CSTF3: variants seen among roughly 807,000 people sequenced by gnomAD.
The protein encoded by CSTF3 is cleavage stimulation factor subunit 3.
Under a neutral mutation model 105.8 loss-of-function variants are expected in CSTF3, and 29 were observed. That is an observed-to-expected ratio of 0.27 (90% CI 0.20 to 0.37). CSTF3 has a LOEUF of 0.37. CSTF3 is among the 10% of genes least tolerant of loss of function. The probability of loss-of-function intolerance (pLI) is 1.00; values close to 1 mark genes in which losing one functional copy is unlikely to be tolerated. For synonymous variants in CSTF3, 252 were observed against 281.9 expected, an observed-to-expected ratio of 0.89 and a Z score of 1.06; for missense variants, 357 against 879.3, an observed-to-expected ratio of 0.41 and a Z score of 7.51.
At chr11:33,152,248 A>G (rs1047791865) in intron 1 of CSTF3, among the ~76,000 whole-genome samples, 2 of 152,204 alleles carry the variant, frequency 1.3e-5, no homozygotes, top group Non-Finnish European at 2.9e-5. Context: ...CGACAGAGCG[A>G]GACTATGTCT....
chr11:33,087,073 A>G lies in CSTF3; in HGVS notation c.1710T>C (p.Val570=), dbSNP rs1191080055. 9.3e-6 allele frequency: 15 copies of G among 1,614,178 alleles called. No individual in the cohort carries two copies. The highest frequency in any genetic ancestry group is 1.3e-5 in the Non-Finnish European group (15 of 1,180,014). The stretch of plus-strand genomic sequence containing the variant: ...GTTTTCTATCCACTTCATCTTTCAG[A>G]ACAGGCACTATAGAAGGAGCTACAA... ...DPVVAPSIVP[V]LKDEVDRKPE... is the part of the protein sequence containing the mutation. The change falls in exon 18 of 21, where the codon GTT becomes GTC. Residue 570 remains valine, a synonymous_variant. Transcript: ENST00000323959.
intron 10 of CSTF3, among the ~76,000 whole-genome samples, chr11:33,100,888 G>A (rs948983229): frequency 6.6e-6 from 1 of 152,166 alleles, no homozygotes; most frequent in Non-Finnish European, 1.5e-5. Flanking sequence ...GCAAGATTGA[G>A]GAATTCAATA....
Position 33,141,936 on chromosome 11 carries a change from T to G in CSTF3, c.78A>C (p.Glu26Asp). The change falls in exon 2 of 21, where the codon GAA becomes GAC. Residue 26 changes from glutamate to aspartate, a missense_variant. Physicochemically the swap from Glu to Asp is conservative, Grantham distance 45. Coordinates refer to ENST00000323959, the MANE Select transcript of CSTF3 (RefSeq NM_001326.3). ...EKVKKAEKKL[E>D]ENPYDLDAWS... The stretch of plus-strand genomic sequence containing the variant: ...AAGCATCAAGGTCATATGGATTCTC[T>G]TCTAATTTCTTTTCCGCTTTCTTCA... 1.6e-5 allele frequency: 25 copies of G among 1,611,916 alleles called. No homozygotes were observed. The highest frequency in any genetic ancestry group is 2.1e-5 in the Non-Finnish European group (25 of 1,179,372).
chr11:33,106,035 G>A lies in CSTF3; in HGVS notation c.386C>T (p.Ala129Val). 1 of 1,613,052 alleles carries A rather than the reference G, an allele frequency of 6.2e-7. No homozygotes were observed. The highest frequency in any genetic ancestry group is 8.5e-7 in the Non-Finnish European group (1 of 1,179,354). Reference protein sequence around the residue: ...KEKMAQAYDFALDKIGMEIMS... With the variant: ...KEKMAQAYDFVLDKIGMEIMS... Reference sequence around the variant, plus strand: ...AATTTCCATTCCAATTTTATCCAGTGCAAAGTCATATGCTTGAGCCATTTT... The same window carrying A: ...AATTTCCATTCCAATTTTATCCAGTACAAAGTCATATGCTTGAGCCATTTT... Residue 129 changes from alanine (A) to valine (V), a missense_variant, in exon 6 of 21, where the codon GCA (alanine) becomes GTA (valine). By Grantham distance (64) the Ala-to-Val change is moderately conservative (BLOSUM62 0). Coordinates refer to ENST00000323959, the MANE Select transcript of CSTF3 (RefSeq NM_001326.3).
chr11:33,119,400 A>G (rs1855464688), intron 3 of CSTF3, among the ~76,000 whole-genome samples: 1 of 151,830 alleles, frequency 6.6e-6, no homozygotes, highest in Non-Finnish European at 1.5e-5. Flanking sequence ...TATTTATTCT[A>G]TGAAATCAAG....
chr11:33,127,881 G>C (rs1855559247), intron 3 of CSTF3, among the ~76,000 whole-genome samples: 1 of 151,990 alleles, frequency 6.6e-6, no homozygotes, highest in African/African-American at 2.4e-5. Context: ...TCTTAATCTT[G>C]GTTATTAAAT....
chr11:33,098,734 T>C lies in CSTF3; in HGVS notation c.1084A>G (p.Ile362Val), dbSNP rs181095002. 9 of 1,557,570 alleles carry C rather than the reference T, an allele frequency of 5.8e-6. No individual in the cohort carries two copies. The highest frequency in any genetic ancestry group is 4.3e-5 in the Admixed American group (2 of 46,056). The change falls in exon 13 of 21, where the codon ATA becomes GTA. Residue 362 changes from isoleucine (I) to valine (V), a missense_variant. By Grantham distance (29) the Ile-to-Val change is conservative. This residue lies in a region of CSTF3 where 206 missense variants were observed against 576.5 expected (regional missense o/e 0.36). Transcript: ENST00000323959. ...SRMKYEKVHS[I>V]YNRLLAIEDI... Reference sequence around the variant, plus strand: ...TCAATTGCCAGAAGTCTGTTATATATACTGTGAACCTTTTCATACTTCATG... The same window carrying C: ...TCAATTGCCAGAAGTCTGTTATATACACTGTGAACCTTTTCATACTTCATG...
intron 1 of CSTF3, among the ~76,000 whole-genome samples, chr11:33,143,852 T>A (rs1176544992): frequency 6.6e-6 from 1 of 151,602 alleles, no homozygotes; most frequent in African/African-American, 2.4e-5. Context: ...TAGCCGGGCA[T>A]GGTGGTGGGC....
chr11:33,126,389 A>G (rs1256823222), intron 3 of CSTF3, among the ~76,000 whole-genome samples: 1 of 152,082 alleles, frequency 6.6e-6, no homozygotes, highest in African/African-American at 2.4e-5. Flanking sequence ...GTTACAGGTT[A>G]CAGTGAGCGG....
intron 3 of CSTF3, among the ~76,000 whole-genome samples, chr11:33,118,096 T>A (rs1484073368): frequency 3.3e-5 from 5 of 150,770 alleles, no homozygotes; most frequent in African/African-American, 7.3e-5. Flanking sequence ...TTTTTTTTTT[T>A]AATAAGAGAA....
chr11:33,107,616 T>C (rs568881057), intron 5 of CSTF3, among the ~76,000 whole-genome samples: 41 of 129,086 alleles, frequency 3.2e-4, no homozygotes, highest in Non-Finnish European at 6.1e-4. Context: ...AGTATGAAGA[T>C]GGTTTTTGAA....
chr11:33,097,461 C>T (rs935342485), intron 13 of CSTF3, among the ~76,000 whole-genome samples: 3 of 152,146 alleles, frequency 2.0e-5, no homozygotes, highest in Admixed American at 2.0e-4. Flanking sequence ...CCTCTGTCTC[C>T]TGGGGTCAAG....
At chr11:33,101,455 C>T (rs951962651) in intron 10 of CSTF3, among the ~76,000 whole-genome samples, 8 of 152,142 alleles carry the variant, frequency 5.3e-5, no homozygotes, top group African/African-American at 1.9e-4. Context: ...ACACCTTAGA[C>T]TTTTCATTGT....
At chr11:33,119,399 T>C (rs1855464663) in intron 3 of CSTF3, among the ~76,000 whole-genome samples, 1 of 151,874 alleles carries the variant, frequency 6.6e-6, no homozygotes, top group South Asian at 2.1e-4. Context: ...TTATTTATTC[T>C]ATGAAATCAA....
intron 3 of CSTF3, among the ~76,000 whole-genome samples, chr11:33,122,612 A>G (rs113476923): frequency 6.6e-6 from 1 of 152,196 alleles, no homozygotes; most frequent in African/African-American, 2.4e-5. Flanking sequence ...AGCACAAAAC[A>G]CACATTTGAA....
At chr11:33,141,401 A>C in intron 3 of CSTF3, 1 of 1,196,922 alleles carries the variant, frequency 8.4e-7, no homozygotes, top group South Asian at 4.2e-5. Context: ...TTGACACATG[A>C]CAAGTAAATA....
intron 1 of CSTF3, chr11:33,156,824 T>C: frequency 2.7e-6 from 1 of 373,220 alleles, no homozygotes; most frequent in South Asian, 2.0e-5. Context: ...AATAAATAAT[T>C]TTTTTTAAAA....
At chr11:33,117,895 T>C (rs1855448181) in intron 3 of CSTF3, among the ~76,000 whole-genome samples, 1 of 151,878 alleles carries the variant, frequency 6.6e-6, no homozygotes, top group South Asian at 2.1e-4. Context: ...AAAAAATATA[T>C]ACTGAGTAGG....
rs570692330 is a variant in CSTF3, at chr11:33,108,251, C to G, written c.258+135G>C. The stretch of plus-strand genomic sequence containing the variant: ...GAACATTTTCAAGCATATAAAAAAG[C>G]TGAATAAGTACAATTAACTTGTAAA... On this transcript the variant is annotated intron_variant, in intron 4 of 20. Transcript: ENST00000323959. 4.6e-5 allele frequency: 42 copies of G among 921,720 alleles called. No individual in the cohort carries two copies. The South Asian group carries it at 1.1e-3, about 23-fold the overall frequency. 57.1% of individuals were successfully genotyped at this position (921,720 alleles called of 1,614,324 possible).
Sources: gnomAD v4.1 joint callset for allele counts (sites outside exome capture counted in the v4.1 genomes callset) on GRCh38, gnomAD v4.1.1 for gene constraint, gnomAD v4.1.1 regional missense constraint, MANE v1.5 for transcripts, NCBI Gene and HGNC (gene_info 2026-07-23, HGNC 2026-07-21) for gene names.